FCGRT: variants seen among roughly 807,000 people sequenced by gnomAD.
The protein encoded by FCGRT is Fc gamma receptor and transporter.
A neutral mutation model predicts 35.7 loss-of-function variants in FCGRT; 13 were observed. The ratio of observed to expected loss-of-function variants is 0.36; its 90% CI spans 0.24 to 0.58. FCGRT has a LOEUF of 0.58. Ranked by LOEUF, FCGRT falls within the 20% of genes least tolerant of loss-of-function variation. FCGRT has a pLI of 0.77. For missense variants in FCGRT, 455 were observed against 474.9 expected (o/e 0.96, Z 0.39); for synonymous variants, 233 against 216.5 (o/e 1.08, Z -0.67).
rs928505166 is a variant in FCGRT at position 49,524,545 on chromosome 19, C to T, written c.640C>T (p.Pro214Ser). ...GCGCCTGAAGGCCCGACCCAGCAGC[C>T]CTGGCTTTTCCGTGCTTACCTGCAG... ...SMRLKARPSS[P>S]GFSVLTCSAF... Residue 214 changes from proline (P) to serine (S), a missense_variant, in exon 5 of 7, where the codon CCT becomes TCT. Physicochemically the swap from Pro to Ser is moderately conservative, Grantham distance 74. Coordinates refer to ENST00000221466, the MANE Select transcript of FCGRT (RefSeq NM_001136019.3). 1 of 1,612,508 alleles carries T rather than the reference C, an allele frequency of 6.2e-7. No individual in the cohort carries two copies. Among genetic ancestry groups the T allele is most frequent in the Non-Finnish European group, 8.5e-7 (1 of 1,179,172 alleles).
chr19:49,513,845 G>A (rs369296209), intron 2 of FCGRT, 37 bp from the exon 3 acceptor site: 118 of 1,416,010 alleles, frequency 8.3e-5, no homozygotes, highest in Middle Eastern at 2.0e-4. Context: ...CTAGTTCCCC[G>A]CCCGTGTGCT....
chr19:49,518,608 A>G (rs2080022393), intron 4 of FCGRT, among the ~76,000 whole-genome samples: 1 of 152,168 alleles, frequency 6.6e-6, no homozygotes, highest in Admixed American at 6.5e-5. Flanking sequence ...AACTCGGCTC[A>G]CTGCAACTTC....
At position 49,524,696 on chromosome 19, in the gene FCGRT, C is replaced by T. The variant is rs2080062743; in HGVS notation, c.791C>T (p.Thr264Ile). ...DGSFHASSSL[T>I]VKSGDEHHYC... is the part of the protein sequence containing the mutation. ...TCCTTCCACGCCTCGTCGTCACTAA[C>T]AGTCAAAAGTGGCGATGAGCACCAC... The change falls in exon 5 of 7, where the codon ACA becomes ATA. Residue 264 changes from threonine to isoleucine, a missense_variant. By Grantham distance (89) the Thr-to-Ile change is moderately conservative (BLOSUM62 -1). Transcript: ENST00000221466. 1.2e-6 allele frequency: 2 copies of T among 1,603,362 alleles called. No individual in the cohort carries two copies. The highest frequency in any genetic ancestry group is 1.7e-6 in the Non-Finnish European group (2 of 1,179,916).
At chr19:49,513,780 C>A in intron 2 of FCGRT, 102 bp from the exon 3 acceptor site, 1 of 655,378 alleles carries the variant, frequency 1.5e-6, no homozygotes. Context: ...TGAATCTGTC[C>A]CCCTCCCTCC....
In FCGRT at chr19:49,526,088, A is replaced by G. The variant is rs1251686144; in HGVS notation, c.1067A>G (p.Lys356Arg). 6.2e-7 allele frequency: 1 copy of G among 1,613,446 alleles called. No homozygotes were observed. The highest frequency in any genetic ancestry group is 1.1e-5 in the South Asian group (1 of 91,084). ...TPGEAQDADLKDVNVIPATA is the reference protein window; with the variant it reads ...TPGEAQDADLRDVNVIPATA ...GGGGAGGCCCAGGATGCTGATTTGA[A>G]GGATGTAAATGTGATTCCAGCCACC... The change falls in exon 7 of 7, where the codon AAG (lysine) becomes AGG (arginine). Residue 356 changes from lysine to arginine, a missense_variant. Around this residue, in one of 3 missense-constraint regions of FCGRT, gnomAD observed 312 missense variants for 296.1 expected, o/e 1.05. Transcript: ENST00000221466.
In FCGRT at chr19:49,515,138, C is replaced by G. The variant is rs185063180; in HGVS notation, c.601+652C>G. ...GCCAACCAAGTAGCTGGGACCACAGCCCAGCATCATCACACCTGGCTAACT... is the reference window on the plus strand; with the variant it reads ...GCCAACCAAGTAGCTGGGACCACAGGCCAGCATCATCACACCTGGCTAACT... On this transcript the variant is annotated intron_variant, in intron 4 of 6. Coordinates refer to ENST00000221466, the MANE Select transcript of FCGRT (RefSeq NM_001136019.3). 1.6e-3 allele frequency: 245 copies of G among 152,204 alleles called. 4 individuals are homozygous for G. Among genetic ancestry groups the G allele is most frequent in the Middle Eastern group, 0.01 (3 of 294 alleles). 9.4% of individuals were successfully genotyped at this position (152,204 alleles called of 1,614,324 possible).
At chr19:49,525,385 G>A (rs1465707026) in intron 5 of FCGRT, 72 bp from the exon 6 acceptor site, 8 of 1,092,562 alleles carry the variant, frequency 7.3e-6, no homozygotes, top group Middle Eastern at 2.1e-4. Context: ...GACTGGGAGC[G>A]CCCCAGTTCT....
chr19:49,521,078 G>C (rs1448204782), intron 4 of FCGRT: 1 of 152,346 alleles, frequency 6.6e-6, no homozygotes. Flanking sequence ...TTTTGAGCTG[G>C]GATCTTGCTC....
chr19:49,523,000 A>G (rs1342802875), intron 4 of FCGRT, among the ~76,000 whole-genome samples: 4 of 150,730 alleles, frequency 2.7e-5, no homozygotes, highest in Non-Finnish European at 5.9e-5. Flanking sequence ...GATAGTCTCA[A>G]TCTCCTGACC....
In FCGRT at chr19:49,514,352, A is replaced by T; in HGVS notation, c.467A>T (p.Glu156Val). Residue 156 changes from glutamate to valine, a missense_variant, in exon 4 of 7, where the codon GAG becomes GTG. By Grantham distance (121) the Glu-to-Val change is moderately radical (BLOSUM62 -2). Around this residue, in one of 3 missense-constraint regions of FCGRT, gnomAD observed 312 missense variants for 296.1 expected, o/e 1.05. Coordinates refer to ENST00000221466, the MANE Select transcript of FCGRT (RefSeq NM_001136019.3). ...GGCACCTGGGGTGGGGACTGGCCCG[A>T]GGCCCTGGCTATCAGTCAGCGGTGG... is the stretch of plus-strand genomic sequence containing the variant. ...KQGTWGGDWPEALAISQRWQQ... is the reference protein window; with the variant it reads ...KQGTWGGDWPVALAISQRWQQ... The T allele has an allele frequency of 6.2e-7, 1 of 1,613,496 alleles. No individual in the cohort carries two copies. The highest frequency in any genetic ancestry group is 8.5e-7 in the Non-Finnish European group (1 of 1,179,768).
intron 4 of FCGRT, among the ~76,000 whole-genome samples, chr19:49,515,876 C>T (rs2080004541): frequency 6.6e-6 from 1 of 151,242 alleles, no homozygotes; most frequent in Non-Finnish European, 1.5e-5. Flanking sequence ...TCTGTTCCAC[C>T]CTTCCCCCTC....
chr19:49,513,629 T>C, intron 2 of FCGRT, 156 bp downstream of exon 2: 1 of 465,260 alleles, frequency 2.1e-6, no homozygotes, highest in Non-Finnish European at 3.6e-6. Context: ...CTGCTGGGCC[T>C]GAGGCTGGGA....
rs1368513672 is a variant in FCGRT at position 49,526,056 on chromosome 19, C to T, written c.1035C>T (p.Pro345=). 5.6e-6 allele frequency: 9 copies of T among 1,613,716 alleles called. No homozygotes were observed. In the East Asian group the frequency reaches 8.9e-5, roughly 16 times the overall value. The change falls in exon 7 of 7, where the codon CCC becomes CCT. Residue 345 remains proline (P), a synonymous_variant. Coordinates refer to ENST00000221466, the MANE Select transcript of FCGRT (RefSeq NM_001136019.3). The part of the protein sequence containing the change: ...LRGDDTGVLL[P]TPGEAQDADL... ...GAGACGACACCGGGGTCCTCCTGCC[C>T]ACCCCAGGGGAGGCCCAGGATGCTG...
chr19:49,524,841 C>G, intron 5 of FCGRT, 65 bp downstream of exon 5: 1 of 1,472,142 alleles, frequency 6.8e-7, no homozygotes. Context: ...CTGCGCCGGT[C>G]CTTCCTGAGT....
chr19:49,524,980 T>C (rs1425793369), intron 5 of FCGRT: 2 of 693,654 alleles, frequency 2.9e-6, no homozygotes, highest in Non-Finnish European at 5.3e-6. Flanking sequence ...CTGCTGCTTC[T>C]GGCCTCACTG....
rs2080069388 is a variant in FCGRT at position 49,525,510 on chromosome 19, C to T, written c.925C>T (p.Leu309=). The T allele has an allele frequency of 6.2e-7, 1 of 1,613,956 alleles. No individual in the cohort carries two copies. Among genetic ancestry groups the T allele is most frequent in the Non-Finnish European group, 8.5e-7 (1 of 1,179,996 alleles). ...GGTGGGAATCGTCATCGGTGTCTTG[C>T]TACTCACGGCAGCGGCTGTAGGAGG... ...LVVGIVIGVL[L]LTAAAVGGAL... Residue 309 remains leucine (L), a synonymous_variant, in exon 6 of 7, where the codon CTA becomes TTA. Coordinates refer to ENST00000221466, the MANE Select transcript of FCGRT (RefSeq NM_001136019.3).
At chr19:49,516,135 C>A (rs1360200919) in intron 4 of FCGRT, 1 of 452,864 alleles carries the variant, frequency 2.2e-6, no homozygotes, top group East Asian at 7.1e-5. Context: ...AAGATAGATA[C>A]CAGCTGGGGA....
chr19:49,519,719 T>C (rs771712405), intron 4 of FCGRT, among the ~76,000 whole-genome samples: 1 of 152,168 alleles, frequency 6.6e-6, no homozygotes, highest in Non-Finnish European at 1.5e-5. Context: ...AACATCTGCT[T>C]GCTTCTGTGC....
At chr19:49,519,530 T>C (rs1468423154) in intron 4 of FCGRT, among the ~76,000 whole-genome samples, 1 of 152,180 alleles carries the variant, frequency 6.6e-6, no homozygotes, top group Non-Finnish European at 1.5e-5. Context: ...TTATGTCCTA[T>C]TGAGTTTCTC....
Sources: allele counts gnomAD v4.1 joint callset (sites outside exome capture counted in the v4.1 genomes callset), GRCh38; gene constraint gnomAD v4.1.1; regional missense constraint gnomAD v4.1.1; transcripts MANE v1.5; gene names NCBI Gene and HGNC (gene_info 2026-07-23, HGNC 2026-07-21).